Variants in ASXL1 observed in about 807,000 individuals in gnomAD.
ASXL1 encodes the protein ASXL transcriptional regulator 1.
Under a neutral mutation model 89.1 loss-of-function variants are expected in ASXL1, and 65 were observed. The ratio of observed to expected loss-of-function variants is 0.73; its 90% CI spans 0.60 to 0.90. The LOEUF is 0.90. Ranked by LOEUF, ASXL1 falls within the 40% of genes least tolerant of loss-of-function variation. ASXL1 has a pLI of 0.00. For synonymous variants in ASXL1, 739 were observed against 746.9 expected, an observed-to-expected ratio of 0.99 and a Z score of 0.17; for missense variants, 1,786 against 1,942.9, an observed-to-expected ratio of 0.92 and a Z score of 1.52.
In ASXL1 at chr20:32,433,582, A is replaced by G. The variant is rs1472430198; in HGVS notation, c.1384A>G (p.Ser462Gly). ...GGCTAAGACTGACCCAGCAGGGCTG[A>G]GCAGTCCCCATCTGCCAGGCACATC... ...GEAKTDPAGL[S>G]SPHLPGTSSA... is the part of the protein sequence containing the mutation. The change falls in exon 12 of 13, where the codon AGC becomes GGC. Residue 462 changes from serine (S) to glycine (G), a missense_variant. Ser to Gly is a moderately conservative substitution (Grantham distance 56). Transcript: ENST00000375687. 1.2e-6 allele frequency: 2 copies of G among 1,614,162 alleles called. No homozygotes were observed. Among genetic ancestry groups the G allele is most frequent in the South Asian group, 2.2e-5 (2 of 91,080 alleles).
intron 4 of ASXL1, among the ~76,000 whole-genome samples, chr20:32,412,539 T>C (rs71338905): frequency 0.01 from 1,529 of 152,242 alleles, 16 homozygotes; most frequent in Non-Finnish European, 0.012. Flanking sequence ...CACTTCCTCT[T>C]TTTAGTGCTG....
chr20:32,401,544 G>GTGTGT (rs35101542), intron 4 of ASXL1, among the ~76,000 whole-genome samples: 83 of 69,324 alleles, frequency 1.2e-3, no homozygotes, highest in Middle Eastern at 0.016. Context: ...GTGTGTGTGT[G>GTGTGT]TTTTTTCCCC....
At chr20:32,400,270 A>G (rs2048850481) in intron 4 of ASXL1, among the ~76,000 whole-genome samples, 1 of 151,576 alleles carries the variant, frequency 6.6e-6, no homozygotes, top group African/African-American at 2.4e-5. Context: ...TTGCCTGGTG[A>G]TCTTTGATTG....
chr20:32,407,518 G>A (rs2048976105), intron 4 of ASXL1, among the ~76,000 whole-genome samples: 2 of 151,946 alleles, frequency 1.3e-5, no homozygotes, highest in African/African-American at 2.4e-5. Flanking sequence ...GCTAGAGTGC[G>A]GTAGCACAGT....
rs528248813 is a variant in ASXL1, at chr20:32,359,530, A to G, written c.57+698A>G. On this transcript the variant is annotated intron_variant, in intron 1 of 12. Coordinates refer to ENST00000375687, the MANE Select transcript of ASXL1 (RefSeq NM_015338.6). ...TTTCACCAGCTTCCCAGGTGATTCAAACGCAGTGGCTCACGGACCCCACTT... is the reference window on the plus strand; with the variant it reads ...TTTCACCAGCTTCCCAGGTGATTCAGACGCAGTGGCTCACGGACCCCACTT... 100 of 646,590 alleles carry G rather than the reference A, an allele frequency of 1.5e-4. No individual in the cohort carries two copies. The East Asian group carries it at 2.3e-3, about 15-fold the overall frequency. 40.1% of individuals were successfully genotyped at this position (646,590 alleles called of 1,614,324 possible). A position where few individuals can be genotyped will look rare whatever the true frequency, so the allele number is the denominator to read the frequency against.
At chr20:32,372,784 G>A (rs966296100) in intron 4 of ASXL1, among the ~76,000 whole-genome samples, 1 of 151,428 alleles carries the variant, frequency 6.6e-6, no homozygotes, top group African/African-American at 2.4e-5. Context: ...TAGTAGAGAT[G>A]GGATTTTACT....
intron 4 of ASXL1, among the ~76,000 whole-genome samples, chr20:32,406,204 A>G (rs2048951943): frequency 6.6e-6 from 1 of 152,164 alleles, no homozygotes; most frequent in Non-Finnish European, 1.5e-5. Flanking sequence ...GTTCTAATCC[A>G]GTCATTCTAG....
chr20:32,424,371 C>CT (rs993737178), intron 4 of ASXL1, among the ~76,000 whole-genome samples: 2 of 152,226 alleles, frequency 1.3e-5, no homozygotes, highest in African/African-American at 2.4e-5. Context: ...CCCATATCTA[C>CT]TAAAACTACA....
At chr20:32,371,461 A>G (rs1366464802) in intron 4 of ASXL1, among the ~76,000 whole-genome samples, 3 of 151,416 alleles carry the variant, frequency 2.0e-5, no homozygotes, top group African/African-American at 7.3e-5. Flanking sequence ...AATTTTTTGT[A>G]TTTTTTGTGG....
intron 4 of ASXL1, among the ~76,000 whole-genome samples, chr20:32,395,486 T>G (rs989939317): frequency 6.6e-6 from 1 of 152,222 alleles, no homozygotes; most frequent in East Asian, 1.9e-4. Context: ...TTATATACTT[T>G]GTTGTAGTTT....
intron 4 of ASXL1, among the ~76,000 whole-genome samples, chr20:32,383,702 C>T (rs2048528988): frequency 6.6e-6 from 1 of 152,148 alleles, no homozygotes. Context: ...CAGCATAGCA[C>T]CTCATGTATT....
chr20:32,432,818 G>T, intron 10 of ASXL1, 62 bp from the exon 11 acceptor site: 1 of 1,586,262 alleles, frequency 6.3e-7, no homozygotes, highest in Non-Finnish European at 8.6e-7. Context: ...AGATTCAGCT[G>T]TCCATAAGAC....
chr20:32,370,821 TCGAGC>T (rs2048288822), intron 4 of ASXL1, among the ~76,000 whole-genome samples: 1 of 151,990 alleles, frequency 6.6e-6, no homozygotes. Context: ...TTTCTTGTAA[TCGAGC>T]CTTGGAAGAG....
intron 4 of ASXL1, among the ~76,000 whole-genome samples, chr20:32,425,145 A>G (rs1235364846): frequency 6.6e-6 from 1 of 152,226 alleles, no homozygotes; most frequent in African/African-American, 2.4e-5. Context: ...TCTGGCTTTC[A>G]TTCACTATTT....
Position 32,434,942 on chromosome 20 carries a change from G to A in ASXL1, c.2230G>A (p.Gly744Arg). The A allele has an allele frequency of 1.2e-6, 2 of 1,614,182 alleles. No individual in the cohort carries two copies. Among genetic ancestry groups the A allele is most frequent in the Non-Finnish European group, 1.7e-6 (2 of 1,180,020 alleles). Residue 744 changes from glycine to arginine, a missense_variant, in exon 13 of 13, where the codon GGA becomes AGA. Transcript: ENST00000375687. ...TACAGTTGGACTCACAGATGGGCTA[G>A]GAGATGCCTCCCAACTCCCCGTTGC... ...RATVGLTDGLGDASQLPVAPT... is the reference protein window; with the variant it reads ...RATVGLTDGLRDASQLPVAPT...
intron 11 of ASXL1, 109 bp from the exon 12 acceptor site, chr20:32,433,175 A>C: frequency 6.4e-7 from 1 of 1,560,348 alleles, no homozygotes; most frequent in South Asian, 1.2e-5. Flanking sequence ...TGCACCACAC[A>C]GATTTATTTT....
rs141632995 is a variant in ASXL1 at position 32,435,106 on chromosome 20, T to C, written c.2394T>C (p.Ser798=). The change falls in exon 13 of 13, where the codon AGT becomes AGC. Residue 798 remains serine, a synonymous_variant. Transcript: ENST00000375687. The stretch of plus-strand genomic sequence containing the variant: ...AGTCTGGCACCACTTCCTGGGAAAG[T>C]GATGATGAGGAGCAAGGACCCACCG... ...ECESGTTSWE[S]DDEEQGPTVP... is the part of the protein sequence containing the mutation. 50 of 1,613,794 alleles carry C rather than the reference T, an allele frequency of 3.1e-5. No homozygotes were observed. In the African/African-American group the frequency reaches 4.8e-4, roughly 16 times the overall value.
chr20:32,389,392 TAACA>T (rs1054965639), intron 4 of ASXL1, among the ~76,000 whole-genome samples: 33 of 152,226 alleles, frequency 2.2e-4, no homozygotes, highest in African/African-American at 7.2e-4. Context: ...GTTCTTGCTG[TAACA>T]AACAGCTGCA....
chr20:32,397,250 CTTTTTTTTTTTTTTT>C (rs71187116), intron 4 of ASXL1, among the ~76,000 whole-genome samples: 25 of 6,982 alleles, frequency 3.6e-3, no homozygotes, highest in African/African-American at 8.9e-3. Context: ...CCATGCCTGG[CTTTTTTTTTTTTTTT>C]TTTTTTTTTT....
Sources: allele counts gnomAD v4.1 joint callset (sites outside exome capture counted in the v4.1 genomes callset), GRCh38; gene constraint gnomAD v4.1.1; transcripts MANE v1.5; gene names NCBI Gene and HGNC (gene_info 2026-07-23, HGNC 2026-07-21).